EFEMP2: variants seen among roughly 807,000 people sequenced by gnomAD.
EFEMP2 encodes EGF-containing fibulin-like extracellular matrix protein 2.
Under a neutral mutation model 55.3 loss-of-function variants are expected in EFEMP2, and 21 were observed. The ratio of observed to expected loss-of-function variants is 0.38; its 90% CI spans 0.27 to 0.55. EFEMP2 has a LOEUF of 0.55. Among genes scored for constraint, EFEMP2 ranks in the 20% least tolerant of loss-of-function variants. The pLI, the probability that EFEMP2 is intolerant of heterozygous loss-of-function variation, is 0.77. For missense variants in EFEMP2, 513 were observed against 615.1 expected (o/e 0.83, Z 1.76); for synonymous variants, 275 against 242.3 (o/e 1.14, Z -1.25).
In EFEMP2 at chr11:65,867,161, C is replaced by G; in HGVS notation, c.1171-82G>C. 5 of 1,573,800 alleles carry G rather than the reference C, an allele frequency of 3.2e-6. No individual in the cohort carries two copies. The East Asian group carries it at 1.1e-4, about 35-fold the overall frequency. On this transcript the variant is annotated intron_variant, in intron 10 of 10. Transcript: ENST00000307998. ...CTGCCCCAGCGTCACCTCCCTGCCC[C>G]GTGGCCGTGAGGCAGAGGAACAGCC...
chr11:65,868,618 A>G lies in EFEMP2; in HGVS notation c.739T>C (p.Cys247Arg). The G allele has an allele frequency of 1.9e-6, 3 of 1,613,882 alleles. No individual in the cohort carries two copies. Among genetic ancestry groups the G allele is most frequent in the Non-Finnish European group, 2.5e-6 (3 of 1,180,028 alleles). ...TGACAGAGGTAGCTGGAGTAGCTAC[A>G]CTCATCAATATCTGAGGAAGCATGG... ...DGFSCSDIDE[C>R]SYSSYLCQYR... The change falls in exon 8 of 11, where the codon TGT becomes CGT. Residue 247 changes from cysteine (C) to arginine (R), a missense_variant. Physicochemically the swap from Cys to Arg is radical, Grantham distance 180. Coordinates refer to ENST00000307998, the MANE Select transcript of EFEMP2 (RefSeq NM_016938.5).
Position 65,866,930 on chromosome 11 carries a change from G to T in EFEMP2, c.1320C>A (p.Ala440=). The change falls in exon 11 of 11, where the codon GCC becomes GCA. Residue 440 remains alanine (A), a synonymous_variant. Coordinates refer to ENST00000307998, the MANE Select transcript of EFEMP2 (RefSeq NM_016938.5). ...TCCCTCCTGCTCCTCAGAAGGTGTAGGCCCCTACAAAGACGGTGAGCCTCA... is the reference window on the plus strand; with the variant it reads ...TCCCTCCTGCTCCTCAGAAGGTGTATGCCCCTACAAAGACGGTGAGCCTCA... ...SVLRLTVFVG[A]YTF 1 of 1,614,158 alleles carries T rather than the reference G, an allele frequency of 6.2e-7. No individual in the cohort carries two copies. Among genetic ancestry groups the T allele is most frequent in the African/African-American group, 1.3e-5 (1 of 75,038 alleles).
In EFEMP2 at chr11:65,869,953, C is replaced by T. The variant is rs1228443711; in HGVS notation, c.631G>A (p.Ala211Thr). The T allele has an allele frequency of 2.5e-6, 4 of 1,613,906 alleles. No homozygotes were observed. Among genetic ancestry groups the T allele is most frequent in the South Asian group, 1.1e-5 (1 of 91,088 alleles). Residue 211 changes from alanine to threonine, a missense_variant, in exon 7 of 11, where the codon GCC becomes ACC. Transcript: ENST00000307998. ...CVDVNECDMG[A>T]PCEQRCFNSY... is the part of the protein sequence containing the mutation. ...TTGAAGCAGCGCTGCTCGCATGGGG[C>T]CCCCATGTCACACTCGTTCACATCT...
rs542517910 is a variant in EFEMP2, at chr11:65,868,244, G to A, written c.974+51C>T. The A allele has an allele frequency of 5.5e-5, 89 of 1,610,972 alleles. No individual in the cohort carries two copies. The East Asian group carries it at 1.0e-3, about 19-fold the overall frequency. On this transcript the variant is annotated intron_variant, in intron 9 of 10. Transcript: ENST00000307998. ...TGAATAGATGCCAGTCAGCCCCAAAGCCCCCTGGGAGACGTAGTTTCTGTG... is the reference window on the plus strand; with the variant it reads ...TGAATAGATGCCAGTCAGCCCCAAAACCCCCTGGGAGACGTAGTTTCTGTG...
At position 65,866,879 on chromosome 11, in the gene EFEMP2, G is replaced by T; in HGVS notation, c.*39C>A. ...TCTGCCCCTCACAACAGGCTCCTCA[G>T]CTAGGGTAGCTGCAGGGAGGGTGGC... On this transcript the variant is annotated 3_prime_UTR_variant, in exon 11 of 11. Coordinates refer to ENST00000307998, the MANE Select transcript of EFEMP2 (RefSeq NM_016938.5). 1 of 1,612,712 alleles carries T rather than the reference G, an allele frequency of 6.2e-7. No homozygotes were observed.
intron 1 of EFEMP2, 23 bp downstream of exon 1, chr11:65,872,660 C>A (rs1336203712): frequency 1.2e-5 from 4 of 320,650 alleles, no homozygotes; most frequent in East Asian, 1.2e-4. Flanking sequence ...CGCCCTCCCC[C>A]ACGGACGGTC....
chr11:65,870,520 T>C lies in EFEMP2; in HGVS notation c.490+16A>G. ...GACACAAAGCCGGGACTACAGAAGC[T>C]GCTTCCTGGACTCACCCACACACTC... On this transcript the variant is annotated intron_variant, in intron 5 of 10. Coordinates refer to ENST00000307998, the MANE Select transcript of EFEMP2 (RefSeq NM_016938.5). The C allele has an allele frequency of 1.2e-6, 2 of 1,613,806 alleles. No individual in the cohort carries two copies. The highest frequency in any genetic ancestry group is 1.7e-6 in the Non-Finnish European group (2 of 1,179,874).
chr11:65,870,405 G>A, intron 5 of EFEMP2, 131 bp downstream of exon 5: 1 of 1,483,936 alleles, frequency 6.7e-7, no homozygotes, highest in East Asian at 2.3e-5. Flanking sequence ...ACAGTCCTCT[G>A]TGTCTGATGA....
intron 3 of EFEMP2, chr11:65,871,651 C>A: frequency 1.7e-6 from 1 of 596,636 alleles, no homozygotes; most frequent in Non-Finnish European, 3.0e-6. Flanking sequence ...GCCTCCTTAC[C>A]CACCCCTGGG....
At chr11:65,870,270 G>A (rs779343553) in intron 5 of EFEMP2, 33 bp from the exon 6 acceptor site, 3 of 1,585,518 alleles carry the variant, frequency 1.9e-6, no homozygotes, top group South Asian at 2.2e-5. Flanking sequence ...GAGGGCGGAG[G>A]GCAGAGGGCA....
intron 9 of EFEMP2, 45 bp downstream of exon 9, chr11:65,868,250 T>TGGGAGAC (rs1859897641): frequency 6.2e-7 from 1 of 1,611,928 alleles, no homozygotes; most frequent in Non-Finnish European, 8.5e-7. Context: ...CAAAGCCCCC[T>TGGGAGAC]GGGAGACGTA....
intron 5 of EFEMP2, 38 bp downstream of exon 5, chr11:65,870,498 A>T: frequency 1.2e-6 from 2 of 1,613,064 alleles, no homozygotes; most frequent in Non-Finnish European, 1.7e-6. Context: ...GACCAGGGAC[A>T]CAAAGCCGGG....
intron 7 of EFEMP2, 75 bp downstream of exon 7, chr11:65,869,782 T>C: frequency 6.2e-7 from 1 of 1,604,396 alleles, no homozygotes; most frequent in Non-Finnish European, 8.5e-7. Flanking sequence ...AATGGAGAAC[T>C]GTGTGGCAGG....
At chr11:65,871,438 T>C (rs1859964276) in intron 3 of EFEMP2, 75 bp from the exon 4 acceptor site, 5 of 1,415,444 alleles carry the variant, frequency 3.5e-6, no homozygotes, top group Non-Finnish European at 2.0e-6. Context: ...GGAACCCAGC[T>C]CGGCCTTCTC....
At position 65,872,762 on chromosome 11, in the gene EFEMP2, C is replaced by A. The variant is rs781045696; in HGVS notation, c.-87G>T. The A allele has an allele frequency of 3.0e-6, 1 of 328,228 alleles. No homozygotes were observed. The highest frequency in any genetic ancestry group is 2.2e-5 in the South Asian group (1 of 46,352). 20.3% of individuals were successfully genotyped at this position (328,228 alleles called of 1,614,324 possible). ...CAATGCCTGCGGGCAGACGGACGGG[C>A]GGACGGCACAGCTCCCTGGACGCGC... On this transcript the variant is annotated 5_prime_UTR_variant, in exon 1 of 11. Coordinates refer to ENST00000307998, the MANE Select transcript of EFEMP2 (RefSeq NM_016938.5).
Position 65,869,887 on chromosome 11 carries a change from C to G in EFEMP2, c.697G>C (p.Glu233Gln), listed in dbSNP as rs1555043197. 3 of 1,614,070 alleles carry G rather than the reference C, an allele frequency of 1.9e-6. No individual in the cohort carries two copies. The highest frequency in any genetic ancestry group is 2.5e-6 in the Non-Finnish European group (3 of 1,180,018). Reference sequence around the variant, plus strand: ...CAGGAGAAGCCATCCCGATGCAGCTCATAGCCCTGGTGGCAGCGACACAGG... The same window carrying G: ...CAGGAGAAGCCATCCCGATGCAGCTGATAGCCCTGGTGGCAGCGACACAGG... ...TFLCRCHQGY[E>Q]LHRDGFSCSD... The change falls in exon 7 of 11, where the codon GAG becomes CAG. Residue 233 changes from glutamate to glutamine, a missense_variant. Physicochemically the swap from Glu to Gln is conservative, Grantham distance 29 (BLOSUM62 2). Coordinates refer to ENST00000307998, the MANE Select transcript of EFEMP2 (RefSeq NM_016938.5).
chr11:65,870,412 A>C, intron 5 of EFEMP2, 124 bp downstream of exon 5: 1 of 1,503,906 alleles, frequency 6.6e-7, no homozygotes, highest in Non-Finnish European at 9.2e-7. Context: ...TCTGTGTCTG[A>C]TGACGGAGGG....
At chr11:65,869,794 G>T in intron 7 of EFEMP2, 63 bp downstream of exon 7, 1 of 1,608,788 alleles carries the variant, frequency 6.2e-7, no homozygotes, top group Non-Finnish European at 8.5e-7. Context: ...TGTGGCAGGA[G>T]GCACGGCATA....
chr11:65,867,774 A>G, intron 10 of EFEMP2, 87 bp downstream of exon 10: 1 of 1,463,508 alleles, frequency 6.8e-7, no homozygotes, highest in Non-Finnish European at 9.5e-7. Context: ...GGGGTGGGGC[A>G]TAGCAGCCTG....
Sources: allele counts gnomAD v4.1 joint callset, GRCh38; gene constraint gnomAD v4.1.1; transcripts MANE v1.5; gene names NCBI Gene and HGNC (gene_info 2026-07-23, HGNC 2026-07-21).